Variants in CCDC186 observed in about 807,000 individuals in gnomAD.
The protein encoded by CCDC186 is coiled-coil domain containing 186.
CCDC186 carries 49 observed loss-of-function variants against 113.7 expected under a neutral mutation model. That is an observed-to-expected ratio of 0.43 (90% CI 0.34 to 0.55). The LOEUF is 0.55. Ranked by LOEUF, CCDC186 falls within the 20% of genes least tolerant of loss-of-function variation. CCDC186 has a pLI of 0.02. For missense variants in CCDC186, 890 were observed against 1,011.1 expected, an observed-to-expected ratio of 0.88 and a Z score of 1.62; for synonymous variants, 355 against 345.8, an observed-to-expected ratio of 1.03 and a Z score of -0.30.
At chr10:114,161,323 C>T (rs1289873894) in intron 2 of CCDC186, among the ~76,000 whole-genome samples, 1 of 152,126 alleles carries the variant, frequency 6.6e-6, no homozygotes, top group Non-Finnish European at 1.5e-5. Flanking sequence ...ATGGGGATAA[C>T]AGCACATGTC....
At chr10:114,152,083 G>A (rs1380858169) in intron 3 of CCDC186, among the ~76,000 whole-genome samples, 1 of 152,190 alleles carries the variant, frequency 6.6e-6, no homozygotes, top group Non-Finnish European at 1.5e-5. Context: ...GCTTATGCCT[G>A]TAATCCCAGC....
At chr10:114,150,717 C>T (rs1050103206) in intron 4 of CCDC186, among the ~76,000 whole-genome samples, 1 of 152,062 alleles carries the variant, frequency 6.6e-6, no homozygotes, top group Non-Finnish European at 1.5e-5. Flanking sequence ...AGTGCAATCT[C>T]GGCTCACTGC....
chr10:114,165,564 G>A (rs1039640102), intron 1 of CCDC186, among the ~76,000 whole-genome samples: 4 of 152,242 alleles, frequency 2.6e-5, no homozygotes, highest in East Asian at 3.9e-4. Flanking sequence ...GGTGGCAGCC[G>A]CCTGAAATCC....
At chr10:114,147,590 T>C (rs1236197133) in intron 4 of CCDC186, among the ~76,000 whole-genome samples, 1 of 152,096 alleles carries the variant, frequency 6.6e-6, no homozygotes, top group Non-Finnish European at 1.5e-5. Flanking sequence ...AGAAAGTAGT[T>C]ATAAAAACAA....
chr10:114,158,583 G>A (rs1470171862), intron 2 of CCDC186, among the ~76,000 whole-genome samples: 2 of 151,134 alleles, frequency 1.3e-5, no homozygotes, highest in Non-Finnish European at 2.9e-5. Context: ...AAAAAAACTA[G>A]TTAGGCATGA....
chr10:114,153,300 G>T (rs1342542908), intron 3 of CCDC186, among the ~76,000 whole-genome samples: 1 of 152,040 alleles, frequency 6.6e-6, no homozygotes, highest in East Asian at 1.9e-4. Flanking sequence ...GTAACAGAAA[G>T]AAATATGGGA....
chr10:114,154,692 AACTC>A (rs2119816737), intron 3 of CCDC186, among the ~76,000 whole-genome samples: 1 of 152,306 alleles, frequency 6.6e-6, no homozygotes, highest in South Asian at 2.1e-4. Flanking sequence ...AACACTTCCC[AACTC>A]ACTCTATTAA....
Position 114,122,471 on chromosome 10 carries a change from G to C in CCDC186, c.*2672C>G, listed in dbSNP as rs1349921157. 6.6e-6 allele frequency: 1 copy of C among 152,134 alleles called. No homozygotes were observed. The highest frequency in any genetic ancestry group is 1.5e-5 in the Non-Finnish European group (1 of 68,014). The allele number at this position is 152,134 out of a possible 1,614,324, so 9.4% of individuals were successfully genotyped here. A position where few individuals can be genotyped will look rare whatever the true frequency, so the allele number is the denominator to read the frequency against. ...CACTTCAAAATTAAAACCTATTGAA[G>C]TGTATACATATACATACACAGAAAA... On this transcript the variant is annotated 3_prime_UTR_variant, in exon 16 of 16. Transcript: ENST00000369287.
intron 6 of CCDC186, among the ~76,000 whole-genome samples, chr10:114,138,037 CAAAAAAAAAAAAAAAAAAA>C (rs1564908401): frequency 4.4e-5 from 1 of 22,830 alleles, no homozygotes; most frequent in African/African-American, 1.5e-4. Context: ...AACTCGGTCT[CAAAAAAAAAAAAAAAAAAA>C]AAAAAAAAAA....
At chr10:114,160,716 T>C (rs1811057089) in intron 2 of CCDC186, among the ~76,000 whole-genome samples, 1 of 152,190 alleles carries the variant, frequency 6.6e-6, no homozygotes, top group African/African-American at 2.4e-5. Flanking sequence ...GATTTGGAAA[T>C]AGATGCATTC....
chr10:114,125,667 T>TA, intron 15 of CCDC186, among the ~76,000 whole-genome samples: 1 of 152,228 alleles, frequency 6.6e-6, no homozygotes. Flanking sequence ...AATGACATCT[T>TA]AGTGTCTGTC....
chr10:114,169,898 CTTAT>C (rs1214299876), intron 1 of CCDC186, among the ~76,000 whole-genome samples: 1 of 152,080 alleles, frequency 6.6e-6, no homozygotes, highest in Non-Finnish European at 1.5e-5. Context: ...TAGCTACCTA[CTTAT>C]TTATTTATGT....
At chr10:114,169,950 T>C (rs1328486945) in intron 1 of CCDC186, among the ~76,000 whole-genome samples, 1 of 152,204 alleles carries the variant, frequency 6.6e-6, no homozygotes, top group Non-Finnish European at 1.5e-5. Context: ...CAGGCTGGAA[T>C]GCAGTGGCTC....
chr10:114,145,886 G>T, intron 4 of CCDC186, 125 bp from the exon 5 acceptor site: 1 of 826,418 alleles, frequency 1.2e-6, no homozygotes, highest in Non-Finnish European at 1.8e-6. Flanking sequence ...ACATTCCCAG[G>T]ACTTGTGCCA....
rs368321620 is a variant in CCDC186, at chr10:114,163,284, T to C, written c.-16A>G. 2.5e-6 allele frequency: 4 copies of C among 1,591,974 alleles called. No individual in the cohort carries two copies. The highest frequency in any genetic ancestry group is 3.4e-6 in the Non-Finnish European group (4 of 1,174,978). On this transcript the variant is annotated 5_prime_UTR_variant, in exon 2 of 16. Transcript: ENST00000369287. ...TCTCTGACATGCTGACTGGCACCAA[T>C]TCACTTTGTAATTCTTCAAATCTGC...
chr10:114,172,041 A>T (rs2032507905), intron 1 of CCDC186, among the ~76,000 whole-genome samples: 1 of 152,222 alleles, frequency 6.6e-6, no homozygotes. Context: ...AACATTTGCA[A>T]TACTGTAAAC....
At chr10:114,139,034 C>T (rs2031372660) in intron 6 of CCDC186, among the ~76,000 whole-genome samples, 1 of 152,204 alleles carries the variant, frequency 6.6e-6, no homozygotes, top group Non-Finnish European at 1.5e-5. Context: ...TATACTATAG[C>T]TTATATGTTC....
intron 3 of CCDC186, among the ~76,000 whole-genome samples, 173 bp from the exon 4 acceptor site, chr10:114,151,393 A>T (rs1444708696): frequency 6.6e-6 from 1 of 152,238 alleles, no homozygotes; most frequent in Non-Finnish European, 1.5e-5. Flanking sequence ...TTTAGTAAAA[A>T]TCTGGAGATT....
intron 6 of CCDC186, among the ~76,000 whole-genome samples, chr10:114,140,385 CAATGAGATGG>C (rs2031428251): frequency 6.6e-6 from 1 of 152,108 alleles, no homozygotes; most frequent in Admixed American, 6.5e-5. Context: ...TTGGCCTGAG[CAATGAGATGG>C]AATGAGATGG....
Sources: allele counts gnomAD v4.1 joint callset (sites outside exome capture counted in the v4.1 genomes callset), GRCh38; gene constraint gnomAD v4.1.1; transcripts MANE v1.5; gene names NCBI Gene and HGNC (gene_info 2026-07-23, HGNC 2026-07-21).